The following CRYBG1 variants were observed in gnomAD, a reference collection of about 807,000 sequenced individuals.
The protein encoded by CRYBG1 is crystallin beta-gamma domain containing 1.
In CRYBG1, 139 loss-of-function variants were observed where a neutral mutation model predicts 189.2. The ratio of observed to expected loss-of-function variants is 0.73; its 90% CI spans 0.64 to 0.85. The LOEUF (loss-of-function observed/expected upper bound fraction) is 0.85. Ranked by LOEUF, CRYBG1 falls within the 40% of genes least tolerant of loss-of-function variation. CRYBG1 has a pLI of 0.00. For missense variants in CRYBG1, 2,611 were observed against 2,675.8 expected, an observed-to-expected ratio of 0.98 and a Z score of 0.53; for synonymous variants, 1,023 against 1,017.1, an observed-to-expected ratio of 1.01 and a Z score of -0.11.
At chr6:106,425,543 C>T (rs1771209835) in intron 1 of CRYBG1, among the ~76,000 whole-genome samples, 1 of 152,206 alleles carries the variant, frequency 6.6e-6, no homozygotes, top group Non-Finnish European at 1.5e-5. Flanking sequence ...AATTCCAATA[C>T]TGACATATGC....
intron 3 of CRYBG1, among the ~76,000 whole-genome samples, chr6:106,517,437 CACAT>C (rs1184487557): frequency 2.9e-5 from 4 of 137,336 alleles, no homozygotes; most frequent in Admixed American, 2.8e-4. Context: ...TATACACACA[CACAT>C]ATATATACAC....
At chr6:106,452,891 T>G (rs1322108735) in intron 2 of CRYBG1, among the ~76,000 whole-genome samples, 3 of 152,216 alleles carry the variant, frequency 2.0e-5, no homozygotes, top group Non-Finnish European at 4.4e-5. Flanking sequence ...CTGCCAGGCC[T>G]GAAGGTTGTA....
intron 2 of CRYBG1, among the ~76,000 whole-genome samples, chr6:106,504,316 A>G (rs966050499): frequency 6.6e-6 from 1 of 152,168 alleles, no homozygotes; most frequent in East Asian, 1.9e-4. Flanking sequence ...AAAATGGCCA[A>G]ATGTCACAGT....
intron 6 of CRYBG1, among the ~76,000 whole-genome samples, chr6:106,526,298 TG>T (rs1282251705): frequency 6.6e-6 from 1 of 152,226 alleles, no homozygotes; most frequent in Non-Finnish European, 1.5e-5. Context: ...AAACAAGATT[TG>T]CTTTTATTCT....
At chr6:106,445,673 C>T (rs748157019) in intron 1 of CRYBG1, among the ~76,000 whole-genome samples, 1 of 152,152 alleles carries the variant, frequency 6.6e-6, no homozygotes, top group Non-Finnish European at 1.5e-5. Context: ...TTTATCACTC[C>T]CATTTTGCAG....
At chr6:106,434,713 A>G (rs1288790766) in intron 1 of CRYBG1, among the ~76,000 whole-genome samples, 2 of 152,360 alleles carry the variant, frequency 1.3e-5, no homozygotes, top group Middle Eastern at 3.4e-3. Context: ...TGGCTGTATT[A>G]CAATTGCTGT....
chr6:106,571,736 G>C lies in CRYBG1; in HGVS notation c.*3170G>C. ...AGTAGTTTAAGCTAGTAAAACAGAA[G>C]GTGCCACAACAACCTGCAAAGCCAG... is the stretch of plus-strand genomic sequence containing the variant. On this transcript the variant is annotated 3_prime_UTR_variant, in exon 22 of 22. Transcript: ENST00000633556. 1 of 395,272 alleles carries C rather than the reference G, an allele frequency of 2.5e-6. No homozygotes were observed. Among genetic ancestry groups the C allele is most frequent in the Non-Finnish European group, 4.6e-6 (1 of 216,806 alleles). The allele number at this position is 395,272 out of a possible 1,614,324, so 24.5% of individuals were successfully genotyped here.
At position 106,512,005 on chromosome 6, in the gene CRYBG1, G is replaced by C. The variant is rs1330531481; in HGVS notation, c.888G>C (p.Ala296=). 1 of 1,529,956 alleles carries C rather than the reference G, an allele frequency of 6.5e-7. No individual in the cohort carries two copies. The allele number at this position is 1,529,956 out of a possible 1,614,324, so 94.8% of individuals were successfully genotyped here. ...AGGCTTTCCTGGGTGTGAGGGGTGCGCCAGGGTCGCCCACCCAGGAGCGGC... is the reference window on the plus strand; with the variant it reads ...AGGCTTTCCTGGGTGTGAGGGGTGCCCCAGGGTCGCCCACCCAGGAGCGGC... ...EQEAFLGVRG[A]PGSPTQERPA... The change falls in exon 3 of 22, where the codon GCG becomes GCC. Residue 296 remains alanine (A), a synonymous_variant. Transcript: ENST00000633556.
Position 106,571,820 on chromosome 6 carries a change from G to T in CRYBG1, c.*3254G>T. The T allele has an allele frequency of 9.4e-6, 5 of 530,658 alleles. No homozygotes were observed. The highest frequency in any genetic ancestry group is 3.2e-5 in the East Asian group (1 of 31,332). The allele number at this position is 530,658 out of a possible 1,614,324, so 32.9% of individuals were successfully genotyped here. A position where few individuals can be genotyped will look rare whatever the true frequency, so the allele number is the denominator to read the frequency against. ...CTACTGACTACAGACAAATCCAAGT[G>T]CTGATATTTTTATATCAATTACTGG... is the stretch of plus-strand genomic sequence containing the variant. On this transcript the variant is annotated 3_prime_UTR_variant, in exon 22 of 22. Transcript: ENST00000633556.
intron 1 of CRYBG1, among the ~76,000 whole-genome samples, chr6:106,411,289 T>G (rs1021914581): frequency 7.2e-5 from 11 of 152,162 alleles, no homozygotes; most frequent in African/African-American, 2.7e-4. Context: ...TACTTTTGAT[T>G]GGGAAAACTT....
intron 1 of CRYBG1, among the ~76,000 whole-genome samples, chr6:106,433,090 C>T (rs1028218001): frequency 2.6e-5 from 4 of 152,198 alleles, no homozygotes; most frequent in South Asian, 4.1e-4. Flanking sequence ...CCACCCTCCT[C>T]GGCCTCCCAA....
chr6:106,564,053 TG>T, intron 21 of CRYBG1, 127 bp downstream of exon 21: 3 of 1,007,172 alleles, frequency 3.0e-6, no homozygotes, highest in Non-Finnish European at 4.3e-6. Context: ...GCCCCTACTG[TG>T]TGCCAGCTGC....
intron 2 of CRYBG1, among the ~76,000 whole-genome samples, chr6:106,453,929 G>A (rs920000126): frequency 1.3e-5 from 2 of 152,134 alleles, no homozygotes; most frequent in African/African-American, 4.8e-5. Context: ...GAGAAGAAGG[G>A]CAGGAACTTG....
In CRYBG1 at chr6:106,521,013, G is replaced by A. The variant is rs1773593073; in HGVS notation, c.3805G>A (p.Ala1269Thr). The change falls in exon 4 of 22, where the codon GCT becomes ACT. Residue 1269 changes from alanine to threonine, a missense_variant. Around this residue, in one of 3 missense-constraint regions of CRYBG1, gnomAD observed 1,622 missense variants for 1,735.0 expected, o/e 0.93. Transcript: ENST00000633556. Reference sequence around the variant, plus strand: ...GACATCAGTCAACACTATGACCACGGCTTTCAGTACTTCTCAGAACGGTTC... The same window carrying A: ...GACATCAGTCAACACTATGACCACGACTTTCAGTACTTCTCAGAACGGTTC... Reference protein sequence around the residue: ...SVTSVNTMTTAFSTSQNGSLS... With the variant: ...SVTSVNTMTTTFSTSQNGSLS... The A allele has an allele frequency of 6.2e-7, 1 of 1,614,132 alleles. No homozygotes were observed. Among genetic ancestry groups the A allele is most frequent in the Non-Finnish European group, 8.5e-7 (1 of 1,180,020 alleles).
chr6:106,525,059 G>T, intron 4 of CRYBG1, 74 bp from the exon 5 acceptor site: 1 of 1,472,692 alleles, frequency 6.8e-7, no homozygotes, highest in South Asian at 1.1e-5. Flanking sequence ...CTACCTACAG[G>T]ATCGTGGGTG....
chr6:106,427,071 C>G (rs1771240932), intron 1 of CRYBG1, among the ~76,000 whole-genome samples: 1 of 152,138 alleles, frequency 6.6e-6, no homozygotes, highest in Non-Finnish European at 1.5e-5. Context: ...GTTATTCCTC[C>G]TCTTCCCAAC....
chr6:106,471,170 A>T (rs1048583769), intron 2 of CRYBG1, among the ~76,000 whole-genome samples: 1 of 152,236 alleles, frequency 6.6e-6, no homozygotes, highest in Non-Finnish European at 1.5e-5. Context: ...AGGGAAATTC[A>T]TTGCATGATT....
At chr6:106,539,647 T>A in intron 9 of CRYBG1, 118 bp downstream of exon 9, 1 of 1,133,608 alleles carries the variant, frequency 8.8e-7, no homozygotes, top group Non-Finnish European at 1.2e-6. Context: ...TGTAGTAGAT[T>A]GGACCTATTG....
chr6:106,549,941 G>C (rs1301122986), intron 13 of CRYBG1, among the ~76,000 whole-genome samples: 1 of 152,194 alleles, frequency 6.6e-6, no homozygotes, highest in Non-Finnish European at 1.5e-5. Flanking sequence ...TAAATGAAAG[G>C]GAACTTTCCA....
Sources: gnomAD v4.1 joint callset for allele counts (sites outside exome capture counted in the v4.1 genomes callset) on GRCh38, gnomAD v4.1.1 for gene constraint, gnomAD v4.1.1 regional missense constraint, MANE v1.5 for transcripts, NCBI Gene and HGNC (gene_info 2026-07-23, HGNC 2026-07-21) for gene names.